FARP1: variants seen among roughly 807,000 people sequenced by gnomAD.
FARP1 encodes FERM, ARH/RhoGEF and pleckstrin domain protein 1.
Under a neutral mutation model 128.8 loss-of-function variants are expected in FARP1, and 52 were observed. The ratio of observed to expected loss-of-function variants is 0.40; its 90% CI spans 0.32 to 0.51. The LOEUF (loss-of-function observed/expected upper bound fraction) is 0.51. Among genes scored for constraint, FARP1 ranks in the 20% least tolerant of loss-of-function variants. The pLI is 0.45. For synonymous variants in FARP1, 580 were observed against 551.8 expected, an observed-to-expected ratio of 1.05 and a Z score of -0.72; for missense variants, 1,333 against 1,367.9, an observed-to-expected ratio of 0.97 and a Z score of 0.40.
chr13:98,440,373 G>T, intron 23 of FARP1, 138 bp downstream of exon 23: 1 of 698,224 alleles, frequency 1.4e-6, no homozygotes. Flanking sequence ...GATCAAGACA[G>T]TTCTTTTTCC....
chr13:98,395,842 G>C (rs1890517252), intron 13 of FARP1: 1 of 400,958 alleles, frequency 2.5e-6, no homozygotes, highest in Non-Finnish European at 4.4e-6. Context: ...GGGCTCGGCT[G>C]GTCACAGCCC....
intron 16 of FARP1, among the ~76,000 whole-genome samples, chr13:98,418,838 C>T (rs1394674651): frequency 6.6e-6 from 1 of 152,120 alleles, no homozygotes; most frequent in Non-Finnish European, 1.5e-5. Flanking sequence ...GGAATGATAC[C>T]GGGGCTCACC....
At chr13:98,335,092 A>G (rs1887686031) in intron 2 of FARP1, among the ~76,000 whole-genome samples, 3 of 152,222 alleles carry the variant, frequency 2.0e-5, no homozygotes, top group South Asian at 4.1e-4. Flanking sequence ...CACCTCCATC[A>G]GGGAGAATAG....
intron 16 of FARP1, among the ~76,000 whole-genome samples, chr13:98,420,095 G>A (rs1478771504): frequency 6.6e-6 from 1 of 152,188 alleles, no homozygotes; most frequent in Non-Finnish European, 1.5e-5. Flanking sequence ...TTAGAGGACA[G>A]TTGGGAGATT....
intron 21 of FARP1, among the ~76,000 whole-genome samples, chr13:98,439,609 G>T (rs1013153985): frequency 1.4e-4 from 22 of 152,136 alleles, no homozygotes; most frequent in Non-Finnish European, 3.1e-4. Flanking sequence ...CAGCCACCTC[G>T]TCCTCCCCCG....
intron 2 of FARP1, among the ~76,000 whole-genome samples, chr13:98,231,552 C>T (rs1007590998): frequency 6.6e-6 from 1 of 152,168 alleles, no homozygotes; most frequent in African/African-American, 2.4e-5. Context: ...ATTCTCCTGC[C>T]TCAGCTTCCC....
In FARP1 at chr13:98,431,212, A is replaced by G. The variant is rs752223102; in HGVS notation, c.2075A>G (p.Tyr692Cys). ...LLRPLHRLMHYKQVLERLCKH... is the reference protein window; with the variant it reads ...LLRPLHRLMHCKQVLERLCKH... ...CGGCCACTGCACCGGCTCATGCACTACAAGCAGGTCCTGGAGCGGCTGTGC... is the reference window on the plus strand; with the variant it reads ...CGGCCACTGCACCGGCTCATGCACTGCAAGCAGGTCCTGGAGCGGCTGTGC... Residue 692 changes from tyrosine to cysteine, a missense_variant, in exon 18 of 27, where the codon TAC becomes TGC. Tyr to Cys is a radical substitution (Grantham distance 194, BLOSUM62 -2). Coordinates refer to ENST00000319562, the MANE Select transcript of FARP1 (RefSeq NM_005766.4). 6.2e-7 allele frequency: 1 copy of G among 1,607,692 alleles called. No homozygotes were observed. Among genetic ancestry groups the G allele is most frequent in the Non-Finnish European group, 8.5e-7 (1 of 1,177,130 alleles).
At chr13:98,188,461 T>C (rs1174336994) in intron 1 of FARP1, among the ~76,000 whole-genome samples, 3 of 151,998 alleles carry the variant, frequency 2.0e-5, no homozygotes, top group African/African-American at 7.3e-5. Context: ...CTCGGGAGGC[T>C]GAGGCAGGAG....
At chr13:98,349,672 G>GGAA (rs1188429889) in intron 3 of FARP1, among the ~76,000 whole-genome samples, 12 of 59,870 alleles carry the variant, frequency 2.0e-4, no homozygotes, top group East Asian at 9.8e-4. Flanking sequence ...CCATCTCAGG[G>GGAA]AAAAAAAAAA....
intron 1 of FARP1, among the ~76,000 whole-genome samples, chr13:98,151,532 T>C (rs1465807336): frequency 6.6e-6 from 1 of 152,146 alleles, no homozygotes; most frequent in Admixed American, 6.6e-5. Flanking sequence ...TTGGTTGATT[T>C]GAACTGAAAT....
At chr13:98,345,933 G>C (rs1206083377) in intron 3 of FARP1, among the ~76,000 whole-genome samples, 2 of 152,196 alleles carry the variant, frequency 1.3e-5, no homozygotes, top group African/African-American at 4.8e-5. Context: ...ATAACTGCCA[G>C]GCACCGTGCT....
Position 98,313,848 on chromosome 13 carries a change from G to A in FARP1, c.172-29914G>A, listed in dbSNP as rs772301077. Among the ~76,000 whole-genome samples the A allele has an allele frequency of 1.3e-4, 20 of 152,132 alleles. 1 individual carries two copies. Among genetic ancestry groups the A allele is most frequent in the Admixed American group, 3.3e-4 (5 of 15,276 alleles). On this transcript the variant is annotated intron_variant, in intron 2 of 26. Transcript: ENST00000319562. ...CGGCCCGCTCTTTGCTCACCTCCTC[G>A]CCCCACAAGAGCGCCTGTGATAGCC...
Position 98,452,053 on chromosome 13 carries a change from A to G in FARP1, c.*3736A>G, listed in dbSNP as rs114541728. 1 of 152,270 alleles carries G rather than the reference A, an allele frequency of 6.6e-6. No homozygotes were observed. Among genetic ancestry groups the G allele is most frequent in the African/African-American group, 2.4e-5 (1 of 41,462 alleles). 9.4% of individuals were successfully genotyped at this position (152,270 alleles called of 1,614,324 possible). Reference sequence around the variant, plus strand: ...TGGGGACTTCTCCCTGGAGTCTTCCAAAGTGTCTCATCACACACACACAGC... The same window carrying G: ...TGGGGACTTCTCCCTGGAGTCTTCCGAAGTGTCTCATCACACACACACAGC... On this transcript the variant is annotated 3_prime_UTR_variant, in exon 27 of 27. Coordinates refer to ENST00000319562, the MANE Select transcript of FARP1 (RefSeq NM_005766.4).
At chr13:98,311,349 C>T (rs1241825123) in intron 2 of FARP1, among the ~76,000 whole-genome samples, 2 of 152,102 alleles carry the variant, frequency 1.3e-5, no homozygotes, top group Non-Finnish European at 2.9e-5. Context: ...GTTTCCTCTC[C>T]CAAAGGAAAG....
At chr13:98,262,629 T>C (rs1883936878) in intron 2 of FARP1, among the ~76,000 whole-genome samples, 1 of 152,252 alleles carries the variant, frequency 6.6e-6, no homozygotes, top group Non-Finnish European at 1.5e-5. Flanking sequence ...TTTGTGTTTA[T>C]TGGAATACCG....
intron 2 of FARP1, among the ~76,000 whole-genome samples, chr13:98,314,018 G>C (rs1886606869): frequency 6.6e-6 from 1 of 152,202 alleles, no homozygotes; most frequent in African/African-American, 2.4e-5. Flanking sequence ...CCAAGCTACA[G>C]GTCCCTCTTG....
At chr13:98,150,262 C>T (rs1419157235) in intron 1 of FARP1, among the ~76,000 whole-genome samples, 3 of 151,918 alleles carry the variant, frequency 2.0e-5, no homozygotes, top group Non-Finnish European at 4.4e-5. Flanking sequence ...AACTCCTGAC[C>T]TCAACTGATC....
chr13:98,376,735 C>T (rs1427307114), intron 5 of FARP1, among the ~76,000 whole-genome samples: 2 of 149,096 alleles, frequency 1.3e-5, no homozygotes, highest in South Asian at 2.1e-4. Context: ...ACATTCCCGC[C>T]GATAGTACTT....
chr13:98,179,103 C>T (rs375509298), intron 1 of FARP1, among the ~76,000 whole-genome samples: 4 of 152,272 alleles, frequency 2.6e-5, no homozygotes, highest in East Asian at 3.9e-4. Flanking sequence ...ACACCTGAGA[C>T]TGGGTAATTT....
Sources: allele counts gnomAD v4.1 joint callset (sites outside exome capture counted in the v4.1 genomes callset), GRCh38; gene constraint gnomAD v4.1.1; transcripts MANE v1.5; gene names NCBI Gene and HGNC (gene_info 2026-07-23, HGNC 2026-07-21).